Variants in FANCM observed in about 807,000 individuals in gnomAD.
The protein encoded by FANCM is Fanconi anemia group M protein.
Under a neutral mutation model 199.5 loss-of-function variants are expected in FANCM, and 140 were observed. That is an observed-to-expected ratio of 0.70 (90% CI 0.61 to 0.81). The LOEUF is 0.81. FANCM is among the 30% of genes least tolerant of loss of function. FANCM has a pLI of 0.00. For synonymous variants in FANCM, 840 were observed against 836.8 expected (o/e 1.00, Z -0.07); for missense variants, 2,410 against 2,421.4 (o/e 1.00, Z 0.10).
intron 4 of FANCM, among the ~76,000 whole-genome samples, chr14:45,150,002 A>G (rs1334805533): frequency 1.3e-5 from 2 of 152,172 alleles, no homozygotes; most frequent in Non-Finnish European, 2.9e-5. Flanking sequence ...TGCTTAGACA[A>G]TTGTCATTTT....
At chr14:45,186,213 G>A (rs748927248) in intron 18 of FANCM, among the ~76,000 whole-genome samples, 2 of 152,148 alleles carry the variant, frequency 1.3e-5, no homozygotes, top group Admixed American at 6.5e-5. Flanking sequence ...TTTTAAATAA[G>A]GCAGTTAGGA....
intron 4 of FANCM, 89 bp downstream of exon 4, chr14:45,149,084 GTTATC>G (rs753123362): frequency 7.5e-6 from 8 of 1,064,202 alleles, no homozygotes; most frequent in Non-Finnish European, 1.1e-5. Flanking sequence ...TGATAATATA[GTTATC>G]TTATTTTTAT....
intron 10 of FANCM, among the ~76,000 whole-genome samples, chr14:45,165,972 T>A (rs921683835): frequency 2.0e-5 from 3 of 152,024 alleles, no homozygotes; most frequent in Non-Finnish European, 4.4e-5. Context: ...CAAACTGAAA[T>A]AAGGGAATAG....
intron 5 of FANCM, among the ~76,000 whole-genome samples, chr14:45,153,373 G>C (rs1035936039): frequency 1.3e-5 from 2 of 152,158 alleles, no homozygotes; most frequent in East Asian, 3.8e-4. Context: ...GCTTAGAATA[G>C]TTTCTGGGGC....
At chr14:45,162,640 A>G (rs1330195206) in intron 9 of FANCM, among the ~76,000 whole-genome samples, 3 of 152,154 alleles carry the variant, frequency 2.0e-5, no homozygotes, top group African/African-American at 7.2e-5. Flanking sequence ...GCACACTTTC[A>G]GTAGCAGTCT....
Position 45,176,514 on chromosome 14 carries a change from A to G in FANCM, c.3760A>G (p.Arg1254Gly). The G allele has an allele frequency of 6.2e-7, 1 of 1,604,528 alleles. No individual in the cohort carries two copies. The highest frequency in any genetic ancestry group is 1.7e-4 in the Middle Eastern group (1 of 5,992). Residue 1254 changes from arginine (R) to glycine (G), a missense_variant, in exon 14 of 23, where the codon AGA (arginine) becomes GGA (glycine). By Grantham distance (125) the Arg-to-Gly change is moderately radical (BLOSUM62 -2). Coordinates refer to ENST00000267430, the MANE Select transcript of FANCM (RefSeq NM_020937.4). ...EILEHTSDSN[R>G]PLDDLYGRYL... ...ATTGGAACATACATCAGATAGCAATAGACCTCTAGATGATCTATATGGAAG... is the reference window on the plus strand; with the variant it reads ...ATTGGAACATACATCAGATAGCAATGGACCTCTAGATGATCTATATGGAAG...
chr14:45,189,437 T>G (rs2139299103), intron 20 of FANCM, 75 bp downstream of exon 20: 3 of 1,226,796 alleles, frequency 2.4e-6, no homozygotes, highest in East Asian at 2.3e-5. Flanking sequence ...GTGTGTGTGT[T>G]TTGTATTAAA....
intron 3 of FANCM, among the ~76,000 whole-genome samples, chr14:45,148,602 G>A (rs1566731839): frequency 6.6e-6 from 1 of 152,068 alleles, no homozygotes; most frequent in African/African-American, 2.4e-5. Context: ...TTATTTCTCG[G>A]ATGCTTGGCT....
At chr14:45,138,636 A>C (rs1001542421) in intron 2 of FANCM, among the ~76,000 whole-genome samples, 7 of 152,170 alleles carry the variant, frequency 4.6e-5, no homozygotes, top group African/African-American at 1.4e-4. Context: ...AACACTTAAA[A>C]ATTTTTTAAA....
At chr14:45,154,166 C>T (rs927877063) in intron 6 of FANCM, 114 bp downstream of exon 6, 12 of 740,034 alleles carry the variant, frequency 1.6e-5, no homozygotes, top group South Asian at 4.7e-5. Context: ...TTTGGGAAGC[C>T]GAGGTGGGTG....
intron 21 of FANCM, among the ~76,000 whole-genome samples, chr14:45,197,307 A>G (rs1342401112): frequency 6.6e-6 from 1 of 152,172 alleles, no homozygotes; most frequent in Non-Finnish European, 1.5e-5. Context: ...TGTAGGTGAA[A>G]GCCACTGCGG....
intron 22 of FANCM, 28 bp downstream of exon 22, chr14:45,198,963 AT>A: frequency 6.5e-7 from 1 of 1,543,782 alleles, no homozygotes; most frequent in Non-Finnish European, 8.9e-7. Flanking sequence ...TTTTTAAATG[AT>A]TACTTTTAAA....
intron 3 of FANCM, among the ~76,000 whole-genome samples, chr14:45,147,622 C>A (rs1435118036): frequency 6.6e-6 from 1 of 152,056 alleles, no homozygotes; most frequent in East Asian, 1.9e-4. Flanking sequence ...GTTTGGACAC[C>A]ATGGCTCACA....
chr14:45,136,545 T>G lies in FANCM; in HGVS notation c.508+6T>G, dbSNP rs1248048076. The G allele has an allele frequency of 1.2e-6, 2 of 1,612,598 alleles. No homozygotes were observed. The highest frequency in any genetic ancestry group is 1.3e-5 in the African/African-American group (1 of 74,904). Reference sequence around the variant, plus strand: ...CCACATGGCCGAAATGACAGGTATCTTAGACTGGACTAATTTTGAAGTAAG... The same window carrying G: ...CCACATGGCCGAAATGACAGGTATCGTAGACTGGACTAATTTTGAAGTAAG... On this transcript the variant is annotated splice_donor_region_variant and intron_variant, in intron 1 of 22. Transcript: ENST00000267430.
chr14:45,156,785 G>A (rs1189578021), intron 8 of FANCM, among the ~76,000 whole-genome samples: 1 of 151,954 alleles, frequency 6.6e-6, no homozygotes, highest in Non-Finnish European at 1.5e-5. Context: ...GAGTGTGGTG[G>A]TATGTGCCTG....
rs756087902 is a variant in FANCM at position 45,175,268 on chromosome 14, A to G, written c.2514A>G (p.Glu838=). The change falls in exon 14 of 23, where the codon GAA becomes GAG. Residue 838 remains glutamate, a synonymous_variant. Coordinates refer to ENST00000267430, the MANE Select transcript of FANCM (RefSeq NM_020937.4). ...SVIESDEECA[E]IVKQTHIKPT... Reference sequence around the variant, plus strand: ...TAGAATCTGATGAAGAATGTGCTGAAATTGTTAAACAAACTCATATCAAAC... The same window carrying G: ...TAGAATCTGATGAAGAATGTGCTGAGATTGTTAAACAAACTCATATCAAAC... 6.2e-7 allele frequency: 1 copy of G among 1,602,810 alleles called. No homozygotes were observed.
chr14:45,141,254 C>G (rs923567890), intron 3 of FANCM, among the ~76,000 whole-genome samples: 3 of 143,714 alleles, frequency 2.1e-5, no homozygotes, highest in African/African-American at 7.8e-5. Context: ...AGCCACTGCA[C>G]TCCAGCCTGG....
Position 45,175,591 on chromosome 14 carries a change from A to G in FANCM, c.2837A>G (p.Tyr946Cys), listed in dbSNP as rs746265152. Residue 946 changes from tyrosine to cysteine, a missense_variant, in exon 14 of 23, where the codon TAT (tyrosine) becomes TGT (cysteine). By Grantham distance (194) the Tyr-to-Cys change is radical. Transcript: ENST00000267430. Reference protein sequence around the residue: ...SLAGNVLDSGYNSFNDEKSVS... With the variant: ...SLAGNVLDSGCNSFNDEKSVS... ...GCTGGAAATGTTTTAGATTCTGGTT[A>G]TAACAGTTTCAATGATGAAAAATCT... 10 of 1,613,594 alleles carry G rather than the reference A, an allele frequency of 6.2e-6. No homozygotes were observed. Among genetic ancestry groups the G allele is most frequent in the Non-Finnish European group, 7.6e-6 (9 of 1,179,790 alleles).
chr14:45,194,884 T>C (rs1163500985), intron 20 of FANCM, among the ~76,000 whole-genome samples: 2 of 151,026 alleles, frequency 1.3e-5, no homozygotes, highest in Non-Finnish European at 2.9e-5. Context: ...TGATCTCGGC[T>C]CACTGCAACT....
Sources: allele counts gnomAD v4.1 joint callset (sites outside exome capture counted in the v4.1 genomes callset), GRCh38; gene constraint gnomAD v4.1.1; transcripts MANE v1.5; gene names NCBI Gene and HGNC (gene_info 2026-07-23, HGNC 2026-07-21).